SGCZ: variants seen among roughly 807,000 people sequenced by gnomAD.
SGCZ encodes zeta-sarcoglycan.
Under a neutral mutation model 41.3 loss-of-function variants are expected in SGCZ, and 40 were observed. That is an observed-to-expected ratio of 0.97 (90% CI 0.75 to 1.26). The LOEUF is 1.26. Ranked by LOEUF, SGCZ falls within the 50% of genes most tolerant of loss-of-function variation. The probability of loss-of-function intolerance (pLI) is 0.00; values close to 1 mark genes in which losing one functional copy is unlikely to be tolerated. For synonymous variants in SGCZ, 206 were observed against 137.5 expected (o/e 1.50, Z -3.49); for missense variants, 552 against 369.8 (o/e 1.49, Z -4.04).
intron 1 of SGCZ, among the ~76,000 whole-genome samples, chr8:14,975,538 C>T (rs529972141): frequency 9.9e-4 from 151 of 152,128 alleles, no homozygotes; most frequent in Non-Finnish European, 1.8e-3. Context: ...CTGTTTTTGA[C>T]CCAGTGAGAT....
chr8:14,598,582 A>G (rs539683914), intron 1 of SGCZ, among the ~76,000 whole-genome samples: 4 of 151,840 alleles, frequency 2.6e-5, no homozygotes, highest in Non-Finnish European at 4.4e-5. Flanking sequence ...GCTGGAGTGC[A>G]GTGGTGCAAT....
At chr8:15,157,002 C>G (rs73205484) in intron 1 of SGCZ, among the ~76,000 whole-genome samples, 1 of 151,350 alleles carries the variant, frequency 6.6e-6, no homozygotes, top group African/African-American at 2.4e-5. Flanking sequence ...AAGCACTTCT[C>G]AAATATTCTC....
intron 1 of SGCZ, among the ~76,000 whole-genome samples, chr8:14,788,133 G>A (rs552237474): frequency 4.6e-5 from 7 of 152,074 alleles, no homozygotes; most frequent in African/African-American, 1.4e-4. Flanking sequence ...CCTAAATAAC[G>A]GATATATTTT....
rs1805212107 is a variant in SGCZ at position 15,067,954 on chromosome 8, A to C, written c.39+169631T>G. Among the ~76,000 whole-genome samples the C allele has an allele frequency of 2.0e-5, 3 of 152,208 alleles. No homozygotes were observed. The South Asian group carries it at 6.2e-4, about 32-fold the overall frequency. On this transcript the variant is annotated intron_variant, in intron 1 of 7. Transcript: ENST00000382080. ...AATAAGATGTAAAAGATGATTTAGAAAAGCCATGTTAATTATGAAAATTAT... is the reference window on the plus strand; with the variant it reads ...AATAAGATGTAAAAGATGATTTAGACAAGCCATGTTAATTATGAAAATTAT...
intron 1 of SGCZ, among the ~76,000 whole-genome samples, chr8:14,564,222 C>G (rs752199171): frequency 1.3e-5 from 2 of 152,180 alleles, no homozygotes; most frequent in Non-Finnish European, 2.9e-5. Context: ...CAAATTTAAT[C>G]TGGATTCCAA....
chr8:14,588,974 T>C (rs902381161), intron 1 of SGCZ, among the ~76,000 whole-genome samples: 3 of 152,190 alleles, frequency 2.0e-5, no homozygotes, highest in Non-Finnish European at 4.4e-5. Context: ...TGGTGTATGA[T>C]GAGTACAATG....
At chr8:14,157,336 CTGTGTGTGTGTGTGTG>C (rs71209015) in intron 5 of SGCZ, among the ~76,000 whole-genome samples, 1 of 138,890 alleles carries the variant, frequency 7.2e-6, no homozygotes, top group East Asian at 2.1e-4. Flanking sequence ...ATATATGCCT[CTGTGTGTGTGTGTGTG>C]TGTGTGTGTG....
intron 3 of SGCZ, chr8:14,309,424 G>C: frequency 1.2e-6 from 2 of 1,606,596 alleles, no homozygotes; most frequent in Non-Finnish European, 1.7e-6. Flanking sequence ...AGACACTTCT[G>C]TGCCTTATTG....
At chr8:14,608,323 G>A (rs1001067050) in intron 1 of SGCZ, among the ~76,000 whole-genome samples, 2 of 151,536 alleles carry the variant, frequency 1.3e-5, no homozygotes, top group South Asian at 2.1e-4. Context: ...CTTGAGGCTG[G>A]GTAATTTATA....
At chr8:14,309,304 G>T in intron 3 of SGCZ, 1 of 1,588,224 alleles carries the variant, frequency 6.3e-7, no homozygotes, top group Non-Finnish European at 8.6e-7. Context: ...CACTTTTTAA[G>T]GATGGTATTG....
At chr8:14,203,507 T>C (rs1805522314) in intron 4 of SGCZ, among the ~76,000 whole-genome samples, 1 of 152,218 alleles carries the variant, frequency 6.6e-6, no homozygotes, top group South Asian at 2.1e-4. Flanking sequence ...TTTAAATTTT[T>C]ATTTCACTGG....
At chr8:14,873,351 A>G (rs1375429028) in intron 1 of SGCZ, among the ~76,000 whole-genome samples, 7 of 152,054 alleles carry the variant, frequency 4.6e-5, no homozygotes, top group Non-Finnish European at 8.8e-5. Flanking sequence ...TATTTTTTTT[A>G]TATTTTATAA....
At chr8:14,364,517 T>G (rs1396305366) in intron 2 of SGCZ, among the ~76,000 whole-genome samples, 1 of 152,154 alleles carries the variant, frequency 6.6e-6, no homozygotes, top group Non-Finnish European at 1.5e-5. Flanking sequence ...TTCCATGGGA[T>G]GTGATATATT....
chr8:14,587,210 T>G (rs905128517), intron 1 of SGCZ, among the ~76,000 whole-genome samples: 1 of 151,892 alleles, frequency 6.6e-6, no homozygotes, highest in Non-Finnish European at 1.5e-5. Flanking sequence ...AATTGCTAAA[T>G]GATAATAAAG....
chr8:15,009,063 G>A (rs1802726463), intron 1 of SGCZ, among the ~76,000 whole-genome samples: 2 of 151,982 alleles, frequency 1.3e-5, no homozygotes, highest in Non-Finnish European at 2.9e-5. Context: ...AGTAAAAATC[G>A]TCATTTATCT....
At chr8:14,917,203 C>T (rs1799462268) in intron 1 of SGCZ, among the ~76,000 whole-genome samples, 1 of 152,088 alleles carries the variant, frequency 6.6e-6, no homozygotes, top group South Asian at 2.1e-4. Context: ...AAAGGAGGCT[C>T]ACCACAATCT....
At chr8:14,872,969 T>C (rs1296817382) in intron 1 of SGCZ, among the ~76,000 whole-genome samples, 5 of 152,142 alleles carry the variant, frequency 3.3e-5, no homozygotes, top group African/African-American at 1.2e-4. Context: ...ACGTTTAACT[T>C]GATAGGCGTC....
chr8:15,017,149 T>A (rs1803070005), intron 1 of SGCZ, among the ~76,000 whole-genome samples: 1 of 152,220 alleles, frequency 6.6e-6, no homozygotes, highest in African/African-American at 2.4e-5. Context: ...GAGTTCTGGC[T>A]TTAAAACTTT....
chr8:14,864,361 CAT>C (rs556217927), intron 1 of SGCZ, among the ~76,000 whole-genome samples: 51 of 152,216 alleles, frequency 3.4e-4, no homozygotes, highest in Non-Finnish European at 5.6e-4. Flanking sequence ...ACTAAATAGA[CAT>C]ATTAATTTTC....
Sources: gnomAD v4.1 joint callset for allele counts (sites outside exome capture counted in the v4.1 genomes callset) on GRCh38, gnomAD v4.1.1 for gene constraint, MANE v1.5 for transcripts, NCBI Gene and HGNC (gene_info 2026-07-23, HGNC 2026-07-21) for gene names.